Variants in FOXN2 observed in about 807,000 individuals in gnomAD.
The protein encoded by FOXN2 is forkhead box N2.
FOXN2 carries 19 observed loss-of-function variants against 41.2 expected under a neutral mutation model. The observed-to-expected ratio is 0.46, with a 90% confidence interval of 0.32 to 0.68. The LOEUF (loss-of-function observed/expected upper bound fraction) is 0.68, where lower values mean the gene tolerates loss of function less well. Ranked by LOEUF, FOXN2 falls within the 30% of genes least tolerant of loss-of-function variation. FOXN2 has a pLI of 0.03. For missense variants in FOXN2, 587 were observed against 509.4 expected, an observed-to-expected ratio of 1.15 and a Z score of -1.47; for synonymous variants, 195 against 176.8, an observed-to-expected ratio of 1.10 and a Z score of -0.82.
Position 48,346,333 on chromosome 2 carries a change from C to G in FOXN2, c.119C>G (p.Ala40Gly). 6.2e-7 allele frequency: 1 copy of G among 1,614,204 alleles called. No homozygotes were observed. The highest frequency in any genetic ancestry group is 8.5e-7 in the Non-Finnish European group (1 of 1,180,028). ...AGCTTGCCTGAAGCTGTTGATGCTG[C>G]CAGGCCGAAGGCCACTCTAGTGGAC... ...MGSLPEAVDA[A>G]RPKATLVDSE... Residue 40 changes from alanine (A) to glycine (G), a missense_variant, in exon 3 of 7, where the codon GCC becomes GGC. Transcript: ENST00000340553.
At chr2:48,353,926 C>G (rs1671627074) in intron 3 of FOXN2, among the ~76,000 whole-genome samples, 1 of 151,852 alleles carries the variant, frequency 6.6e-6, no homozygotes, top group African/African-American at 2.4e-5. Flanking sequence ...TTAACAGTGT[C>G]ATTGTTTGCT....
intron 3 of FOXN2, among the ~76,000 whole-genome samples, chr2:48,347,127 C>G (rs1572737049): frequency 6.6e-6 from 1 of 150,776 alleles, no homozygotes; most frequent in Non-Finnish European, 1.5e-5. Flanking sequence ...GGGTTTAAAT[C>G]TATCACCTTG....
At chr2:48,361,742 GAGA>G (rs1369225080) in intron 4 of FOXN2, among the ~76,000 whole-genome samples, 1 of 151,890 alleles carries the variant, frequency 6.6e-6, no homozygotes, top group East Asian at 1.9e-4. Flanking sequence ...TTCCAAAGAA[GAGA>G]AGTAGTTTTT....
chr2:48,346,160 A>T (rs764192753), intron 2 of FOXN2, 41 bp from the exon 3 acceptor site: 2 of 1,491,646 alleles, frequency 1.3e-6, no homozygotes, highest in Non-Finnish European at 1.8e-6. Flanking sequence ...AGAGTTTAAG[A>T]ATCTAAAGTA....
intron 4 of FOXN2, among the ~76,000 whole-genome samples, chr2:48,360,360 A>C (rs966449218): frequency 6.6e-6 from 1 of 152,204 alleles, no homozygotes; most frequent in African/African-American, 2.4e-5. Flanking sequence ...GGAAATTTTT[A>C]AACATGGAAA....
intron 2 of FOXN2, among the ~76,000 whole-genome samples, chr2:48,339,717 G>A (rs1670613339): frequency 6.6e-6 from 1 of 152,152 alleles, no homozygotes; most frequent in South Asian, 2.1e-4. Context: ...ATCAATTAAA[G>A]TTGAAGGCTA....
chr2:48,320,163 A>T (rs11684517), intron 1 of FOXN2, among the ~76,000 whole-genome samples: 20,225 of 152,072 alleles, frequency 0.13, 1,621 homozygotes, highest in East Asian at 0.44. Flanking sequence ...CAACCTTAAA[A>T]ATTCAGTTTA....
rs775525432 is a variant in FOXN2 at position 48,365,868 on chromosome 2, G to A, written c.703+3161G>A. ...TTTAGGGAATTTTATTTTTGAACTT[G>A]GTTGTTTTGGGGTATATTTCTGAGG... On this transcript the variant is annotated intron_variant, in intron 5 of 6. Coordinates refer to ENST00000340553, the MANE Select transcript of FOXN2 (RefSeq NM_002158.4). Among the ~76,000 whole-genome samples the A allele has an allele frequency of 2.8e-4, 42 of 152,236 alleles. 1 individual carries two copies. Among genetic ancestry groups the A allele is most frequent in the African/African-American group, 9.6e-4 (40 of 41,544 alleles).
At chr2:48,363,356 C>CA (rs1184595836) in intron 5 of FOXN2, among the ~76,000 whole-genome samples, 1 of 151,330 alleles carries the variant, frequency 6.6e-6, no homozygotes, top group East Asian at 1.9e-4. Flanking sequence ...GCTGTTATTA[C>CA]AAAAGAGTAA....
intron 1 of FOXN2, among the ~76,000 whole-genome samples, chr2:48,315,970 T>C (rs911361891): frequency 1.3e-5 from 2 of 152,208 alleles, no homozygotes; most frequent in Non-Finnish European, 2.9e-5. Flanking sequence ...GGCAGTTAAG[T>C]ATTTACAGGT....
intron 1 of FOXN2, among the ~76,000 whole-genome samples, chr2:48,315,501 A>G (rs182164754): frequency 4.6e-5 from 7 of 152,190 alleles, no homozygotes; most frequent in South Asian, 2.1e-4. Flanking sequence ...GCGCTGCAAT[A>G]TGGACACTTC....
chr2:48,360,746 A>G (rs1337480029), intron 4 of FOXN2, among the ~76,000 whole-genome samples: 2 of 150,742 alleles, frequency 1.3e-5, no homozygotes, highest in Non-Finnish European at 2.9e-5. Context: ...ACTAATGGTG[A>G]GTTCTACTGA....
intron 3 of FOXN2, among the ~76,000 whole-genome samples, chr2:48,352,520 A>G (rs1671512610): frequency 6.6e-6 from 1 of 152,138 alleles, no homozygotes; most frequent in Non-Finnish European, 1.5e-5. Flanking sequence ...AATCTCATTA[A>G]TTCCCATGGC....
Position 48,378,593 on chromosome 2 carries a change from A to G in FOXN2, c.*3150A>G, listed in dbSNP as rs927094466. On this transcript the variant is annotated 3_prime_UTR_variant, in exon 7 of 7. Coordinates refer to ENST00000340553, the MANE Select transcript of FOXN2 (RefSeq NM_002158.4). ...TGTAAAGACCATTGTCTTAAATACTACAACAACTTAACACCCTTTTGTGAA... is the reference window on the plus strand; with the variant it reads ...TGTAAAGACCATTGTCTTAAATACTGCAACAACTTAACACCCTTTTGTGAA... 1 of 152,452 alleles carries G rather than the reference A, an allele frequency of 6.6e-6. No individual in the cohort carries two copies. The highest frequency in any genetic ancestry group is 6.6e-5 in the Admixed American group (1 of 15,262). The allele number at this position is 152,452 out of a possible 1,614,324, so 9.4% of individuals were successfully genotyped here.
At chr2:48,344,846 C>G (rs1019207117) in intron 2 of FOXN2, among the ~76,000 whole-genome samples, 2 of 149,066 alleles carry the variant, frequency 1.3e-5, no homozygotes, top group South Asian at 2.2e-4. Flanking sequence ...AGGTACCCCC[C>G]CCCCCCAATT....
intron 5 of FOXN2, 148 bp from the exon 6 acceptor site, chr2:48,373,141 TATA>T: frequency 5.5e-6 from 3 of 543,286 alleles, no homozygotes; most frequent in Non-Finnish European, 9.7e-6. Context: ...CAGAATAATA[TATA>T]ATATCTCATT....
chr2:48,317,487 A>AC (rs1668998126), intron 1 of FOXN2, among the ~76,000 whole-genome samples: 2 of 151,614 alleles, frequency 1.3e-5, no homozygotes, highest in African/African-American at 4.8e-5. Context: ...TTGAGAACAA[A>AC]GATTTGATGC....
chr2:48,367,281 GAC>G (rs1672596042), intron 5 of FOXN2, among the ~76,000 whole-genome samples: 1 of 151,772 alleles, frequency 6.6e-6, no homozygotes, highest in Non-Finnish European at 1.5e-5. Context: ...AGCTGTTCTA[GAC>G]ACCAAGGTAC....
intron 5 of FOXN2, among the ~76,000 whole-genome samples, chr2:48,363,840 A>G (rs959339253): frequency 2.0e-5 from 3 of 152,242 alleles, no homozygotes; most frequent in South Asian, 4.1e-4. Context: ...AGCACACTCT[A>G]TGATGTTCAC....
Sources: gnomAD v4.1 joint callset for allele counts (sites outside exome capture counted in the v4.1 genomes callset) on GRCh38, gnomAD v4.1.1 for gene constraint, MANE v1.5 for transcripts, NCBI Gene and HGNC (gene_info 2026-07-23, HGNC 2026-07-21) for gene names.